Variants in LAMA2 observed in about 807,000 individuals in gnomAD.
The protein encoded by LAMA2 is laminin subunit alpha 2, also known as laminin subunit alpha-2.
In LAMA2, 269 loss-of-function variants were observed where a neutral mutation model predicts 364.8. That is an observed-to-expected ratio of 0.74 (90% CI 0.67 to 0.82). LAMA2 has a LOEUF of 0.82. Among genes scored for constraint, LAMA2 ranks in the 40% least tolerant of loss-of-function variants. The pLI is 0.00. For missense variants in LAMA2, 3,807 were observed against 3,873.2 expected, an observed-to-expected ratio of 0.98 and a Z score of 0.45; for synonymous variants, 1,379 against 1,370.6, an observed-to-expected ratio of 1.01 and a Z score of -0.14.
intron 1 of LAMA2, among the ~76,000 whole-genome samples, chr6:128,934,387 C>G (rs1436247399): frequency 6.6e-6 from 1 of 151,884 alleles, no homozygotes; most frequent in East Asian, 1.9e-4. Flanking sequence ...CTTTGTCCTT[C>G]TTTCTTAAGA....
chr6:129,086,222 A>G (rs1774379256), intron 3 of LAMA2, among the ~76,000 whole-genome samples: 1 of 152,198 alleles, frequency 6.6e-6, no homozygotes, highest in African/African-American at 2.4e-5. Context: ...CAGCATCCCT[A>G]TTTATTAATG....
At chr6:129,504,821 A>C (rs1380021143) in intron 60 of LAMA2, among the ~76,000 whole-genome samples, 1 of 152,226 alleles carries the variant, frequency 6.6e-6, no homozygotes, top group Non-Finnish European at 1.5e-5. Context: ...CAATCAAACT[A>C]ATGCACTTTT....
chr6:128,890,772 G>T (rs1241084188), intron 1 of LAMA2, among the ~76,000 whole-genome samples: 1 of 151,760 alleles, frequency 6.6e-6, no homozygotes, highest in Non-Finnish European at 1.5e-5. Context: ...TAGAAACAAC[G>T]GTATTTATTA....
chr6:129,166,539 T>TA (rs1375813038), intron 9 of LAMA2, among the ~76,000 whole-genome samples: 1 of 152,138 alleles, frequency 6.6e-6, no homozygotes, highest in Admixed American at 6.5e-5. Context: ...TTTGAAATAT[T>TA]AAAAAACGGA....
At chr6:128,978,649 A>C (rs993248025) in intron 1 of LAMA2, among the ~76,000 whole-genome samples, 3 of 152,132 alleles carry the variant, frequency 2.0e-5, no homozygotes, top group Non-Finnish European at 2.9e-5. Context: ...ACTTGCTTGC[A>C]GTCTTTGGAG....
chr6:129,441,096 G>A, intron 43 of LAMA2, 98 bp downstream of exon 43: 1 of 1,052,862 alleles, frequency 9.5e-7, no homozygotes, highest in South Asian at 1.3e-5. Flanking sequence ...GACCCTCATG[G>A]TGGTGTAGTC....
At chr6:129,304,287 C>T (rs2451682) in intron 22 of LAMA2, among the ~76,000 whole-genome samples, 27,026 of 151,884 alleles carry the variant, frequency 0.18, 2,803 homozygotes, top group Non-Finnish European at 0.24. Flanking sequence ...GTTTTTGAGA[C>T]GGAGTCTTGC....
Position 129,393,126 on chromosome 6 carries a change from C to A in LAMA2, c.5316C>A (p.Leu1772=). 1 of 1,613,952 alleles carries A rather than the reference C, an allele frequency of 6.2e-7. No homozygotes were observed. The highest frequency in any genetic ancestry group is 8.5e-7 in the Non-Finnish European group (1 of 1,179,926). The change falls in exon 37 of 65, where the codon CTC becomes CTA. Residue 1772 remains leucine (L), a synonymous_variant. Coordinates refer to ENST00000421865, the MANE Select transcript of LAMA2 (RefSeq NM_000426.4). ...AAAATGAAGAAATGGAGAAGGATCT[C>A]CGGGAAAAACTGGCTGACTACAAAA... The part of the protein sequence containing the change: ...RGENEEMEKD[L]REKLADYKNK...
intron 1 of LAMA2, among the ~76,000 whole-genome samples, chr6:128,939,430 C>T (rs964923385): frequency 2.6e-5 from 4 of 151,944 alleles, no homozygotes; most frequent in South Asian, 2.1e-4. Flanking sequence ...TATACCTTCA[C>T]CTGACTTGGA....
intron 47 of LAMA2, among the ~76,000 whole-genome samples, chr6:129,454,950 T>C (rs1300735233): frequency 6.6e-6 from 1 of 152,176 alleles, no homozygotes; most frequent in Non-Finnish European, 1.5e-5. Context: ...GTTAAGGGCC[T>C]AGGGCTAGAC....
intron 32 of LAMA2, among the ~76,000 whole-genome samples, chr6:129,358,318 G>C (rs1319255980): frequency 6.6e-6 from 1 of 151,992 alleles, no homozygotes; most frequent in African/African-American, 2.4e-5. Context: ...AAGCTGTTCT[G>C]CTAGCTGATT....
chr6:129,156,634 G>C (rs1779132699), intron 8 of LAMA2, among the ~76,000 whole-genome samples: 1 of 151,786 alleles, frequency 6.6e-6, no homozygotes, highest in South Asian at 2.1e-4. Context: ...ACTTCAATAA[G>C]AAGTGCTTTC....
In LAMA2 at chr6:128,990,487, C is replaced by G. The variant is rs56177877; in HGVS notation, c.113-59431C>G. On this transcript the variant is annotated intron_variant, in intron 1 of 64. Transcript: ENST00000421865. ...TCTTAACTTGTTCTGTGCTTCAACT[C>G]CCTATTATAATGGATGCTACACATG... 4.3e-3 allele frequency among the ~76,000 whole-genome samples: 649 copies of G among 152,268 alleles called. 4 individuals carry two copies. Among genetic ancestry groups the G allele is most frequent in the African/African-American group, 0.015 (624 of 41,558 alleles).
At chr6:129,040,908 G>A (rs1271196708) in intron 1 of LAMA2, among the ~76,000 whole-genome samples, 2 of 152,170 alleles carry the variant, frequency 1.3e-5, no homozygotes, top group Non-Finnish European at 2.9e-5. Context: ...TTTACAGAAG[G>A]CAGAGCTAGA....
At chr6:129,062,101 C>T (rs1788961929) in intron 3 of LAMA2, among the ~76,000 whole-genome samples, 1 of 152,160 alleles carries the variant, frequency 6.6e-6, no homozygotes, top group Non-Finnish European at 1.5e-5. Flanking sequence ...TCCAATTTGG[C>T]CTCAGGCTTT....
intron 58 of LAMA2, among the ~76,000 whole-genome samples, chr6:129,497,674 TTTC>T (rs751258870): frequency 7.2e-5 from 11 of 152,316 alleles, no homozygotes; most frequent in Non-Finnish European, 1.2e-4. Flanking sequence ...TGCCCTTCTT[TTTC>T]TTCTTTACAC....
intron 35 of LAMA2, among the ~76,000 whole-genome samples, chr6:129,388,120 C>T (rs561469724): frequency 3.6e-4 from 54 of 151,882 alleles, no homozygotes; most frequent in Non-Finnish European, 5.3e-4. Flanking sequence ...CAGCTGGGCA[C>T]GGTGGCATGC....
chr6:129,182,730 A>T (rs1244173892), intron 10 of LAMA2, among the ~76,000 whole-genome samples: 4 of 151,850 alleles, frequency 2.6e-5, no homozygotes, highest in African/African-American at 9.7e-5. Flanking sequence ...TCAGAATAGT[A>T]GTTACCTCTA....
intron 35 of LAMA2, among the ~76,000 whole-genome samples, chr6:129,383,848 C>A (rs1051318815): frequency 1.3e-5 from 2 of 152,022 alleles, no homozygotes; most frequent in African/African-American, 4.8e-5. Flanking sequence ...ACTCGCCCCC[C>A]AAAAAAACCT....
Sources: gnomAD v4.1 joint callset for allele counts (sites outside exome capture counted in the v4.1 genomes callset) on GRCh38, gnomAD v4.1.1 for gene constraint, MANE v1.5 for transcripts, NCBI Gene and HGNC (gene_info 2026-07-23, HGNC 2026-07-21) for gene names.